The following LRRC8E variants were observed in gnomAD, a reference collection of about 807,000 sequenced individuals.
LRRC8E encodes the protein leucine rich repeat containing 8 VRAC subunit E, also known as volume-regulated anion channel subunit LRRC8E.
Under a neutral mutation model 6.1 loss-of-function variants are expected in LRRC8E, and 6 were observed. That is an observed-to-expected ratio of 0.98 (90% CI 0.54 to 1.93). The LOEUF is 1.93. LRRC8E is among the 30% of genes most tolerant of loss of function. The pLI, the probability that LRRC8E is intolerant of heterozygous loss-of-function variation, is 0.01. For missense variants in LRRC8E, 1,028 were observed against 1,031.4 expected (o/e 1.00, Z 0.04); for synonymous variants, 485 against 472.8 (o/e 1.03, Z -0.33).
chr19:7,897,197 T>G (rs1981643034), intron 2 of LRRC8E, among the ~76,000 whole-genome samples: 1 of 148,122 alleles, frequency 6.8e-6, no homozygotes, highest in Admixed American at 6.9e-5. Flanking sequence ...TTAGACAGAG[T>G]CTCCCTCTGT....
chr19:7,898,823 T>C lies in LRRC8E; in HGVS notation c.301T>C (p.Phe101Leu). 6 of 1,614,192 alleles carry C rather than the reference T, an allele frequency of 3.7e-6. No individual in the cohort carries two copies. The highest frequency in any genetic ancestry group is 5.1e-6 in the Non-Finnish European group (6 of 1,180,028). The change falls in exon 3 of 3, where the codon TTT becomes CTT. Residue 101 changes from phenylalanine to leucine, a missense_variant. Coordinates refer to ENST00000306708, the MANE Select transcript of LRRC8E (RefSeq NM_025061.6). Reference protein sequence around the residue: ...KNNLDLQQYSFINQLCYETAL... With the variant: ...KNNLDLQQYSLINQLCYETAL... ...CAATTTGGACCTGCAGCAATACAGC[T>C]TTATTAACCAGCTGTGTTATGAGAC...
rs201053347 is a variant in LRRC8E, at chr19:7,900,539, G to A, written c.2017G>A (p.Gly673Ser). 1,628 of 1,613,012 alleles carry A rather than the reference G, an allele frequency of 1.0e-3. 23 individuals are homozygous for A. The South Asian group carries it at 0.017, about 17-fold the overall frequency. The change falls in exon 3 of 3, where the codon GGC becomes AGC. Residue 673 changes from glycine to serine, a missense_variant. Physicochemically the swap from Gly to Ser is moderately conservative, Grantham distance 56. Transcript: ENST00000306708. The surrounding 1 kb of genome is among the most constrained non-coding windows in gnomAD (Gnocchi z 5.0). ...GCTGGAGACCCTGCCCTCCCAGCTC[G>A]GCCTGTGCTCAGGCCTCCGTCTGCT... Reference protein sequence around the residue: ...NKLETLPSQLGLCSGLRLLDV... With the variant: ...NKLETLPSQLSLCSGLRLLDV...
chr19:7,900,275 C>A lies in LRRC8E; in HGVS notation c.1753C>A (p.Arg585=), dbSNP rs201776706. 1 of 1,613,252 alleles carries A rather than the reference C, an allele frequency of 6.2e-7. No homozygotes were observed. The highest frequency in any genetic ancestry group is 1.3e-5 in the African/African-American group (1 of 74,906). Residue 585 remains arginine (R), a synonymous_variant, in exon 3 of 3, where the codon CGG becomes AGG. Coordinates refer to ENST00000306708, the MANE Select transcript of LRRC8E (RefSeq NM_025061.6). This position sits in a 1 kb window ranked among gnomAD's most constrained non-coding sequence, Gnocchi z 5.0. ...LNSLKKLAAL[R]ELELVACGLE... is the part of the protein sequence containing the mutation. Reference sequence around the variant, plus strand: ...CAGCCTCAAGAAGCTGGCGGCATTGCGGGAGCTGGAGCTGGTGGCCTGCGG... The same window carrying A: ...CAGCCTCAAGAAGCTGGCGGCATTGAGGGAGCTGGAGCTGGTGGCCTGCGG...
intron 1 of LRRC8E, among the ~76,000 whole-genome samples, chr19:7,890,824 A>C (rs1981267151): frequency 6.6e-6 from 1 of 151,976 alleles, no homozygotes; most frequent in South Asian, 2.1e-4. Context: ...CAGCTTCCCC[A>C]TTAGCTGGGA....
Position 7,898,876 on chromosome 19 carries a change from C to T in LRRC8E, c.354C>T (p.Phe118=). Residue 118 remains phenylalanine, a synonymous_variant, in exon 3 of 3, where the codon TTC becomes TTT. Transcript: ENST00000306708. Reference sequence around the variant, plus strand: ...CCCTGCACTGGTATGCCAAGTACTTCCCTTACCTCGTGGTCATTCACACAC... The same window carrying T: ...CCCTGCACTGGTATGCCAAGTACTTTCCTTACCTCGTGGTCATTCACACAC... The part of the protein sequence containing the change: ...ETALHWYAKY[F]PYLVVIHTLI... 1 of 1,614,226 alleles carries T rather than the reference C, an allele frequency of 6.2e-7. No homozygotes were observed. The highest frequency in any genetic ancestry group is 8.5e-7 in the Non-Finnish European group (1 of 1,180,046).
Position 7,895,651 on chromosome 19 carries a change from G to A in LRRC8E, c.48G>A (p.Ala16=), listed in dbSNP as rs780179268. The change falls in exon 2 of 3, where the codon GCG becomes GCA. Residue 16 remains alanine (A), a synonymous_variant. Transcript: ENST00000306708. This position sits in a 1 kb window ranked among gnomAD's most constrained non-coding sequence, Gnocchi z 4.7. ...AGCAGTTCACGGAACAGCAGCCTGC[G>A]TTCAAGGTGCTCAAACCCTGGTGGG... ...EFKQFTEQQP[A]FKVLKPWWDV... The A allele has an allele frequency of 3.1e-5, 50 of 1,614,012 alleles. 2 individuals carry two copies. The highest frequency in any genetic ancestry group is 3.0e-4 in the South Asian group (27 of 91,088).
chr19:7,890,297 G>A (rs1159654217), intron 1 of LRRC8E, among the ~76,000 whole-genome samples: 2 of 151,892 alleles, frequency 1.3e-5, no homozygotes, highest in Non-Finnish European at 2.9e-5. Flanking sequence ...GCTGGTGGGA[G>A]CCACATGGTC....
intron 1 of LRRC8E, among the ~76,000 whole-genome samples, chr19:7,892,074 A>AT (rs35978779): frequency 0.011 from 1,317 of 125,318 alleles, 14 homozygotes; most frequent in African/African-American, 0.028. Flanking sequence ...AAGATTTTAG[A>AT]TTTTTTTTTT....
In LRRC8E at chr19:7,888,554, C is replaced by G. The variant is rs958431490; in HGVS notation, c.-52C>G. 2 of 152,266 alleles carry G rather than the reference C, an allele frequency of 1.3e-5. No individual in the cohort carries two copies. The highest frequency in any genetic ancestry group is 2.9e-5 in the Non-Finnish European group (2 of 68,106). 9.4% of individuals were successfully genotyped at this position (152,266 alleles called of 1,614,324 possible). A position where few individuals can be genotyped will look rare whatever the true frequency, so the allele number is the denominator to read the frequency against. On this transcript the variant is annotated 5_prime_UTR_variant, in exon 1 of 3. Coordinates refer to ENST00000306708, the MANE Select transcript of LRRC8E (RefSeq NM_025061.6). ...GAACTCTGCGGGAGTCGCGGCAGCT[C>G]CGCTCCCAGAGACCCAGGAGTTGGG... is the stretch of plus-strand genomic sequence containing the variant.
chr19:7,896,821 C>T (rs566751402), intron 2 of LRRC8E, among the ~76,000 whole-genome samples: 11 of 151,984 alleles, frequency 7.2e-5, no homozygotes, highest in Admixed American at 1.3e-4. Context: ...TCTCGGACTC[C>T]GGGCCTCAAG....
intron 2 of LRRC8E, among the ~76,000 whole-genome samples, chr19:7,896,890 C>T (rs1981624752): frequency 1.3e-5 from 2 of 152,000 alleles, no homozygotes; most frequent in East Asian, 2.0e-4. Flanking sequence ...CCACTGTGTC[C>T]AGCCCCATAT....
At chr19:7,893,980 A>G (rs1406757183) in intron 1 of LRRC8E, 5 of 152,124 alleles carry the variant, frequency 3.3e-5, no homozygotes, top group Admixed American at 3.3e-4. Flanking sequence ...CTTGGCCTTT[A>G]GCTTGGTGGG....
intron 1 of LRRC8E, among the ~76,000 whole-genome samples, chr19:7,891,535 GTGTGTGTGTGTT>G (rs1033776488): frequency 7.0e-5 from 9 of 128,602 alleles, no homozygotes; most frequent in African/African-American, 1.7e-4. Context: ...GTGTGTGTGT[GTGTGTGTGTGTT>G]TGTGTGTGTG....
In LRRC8E at chr19:7,899,412, C is replaced by T; in HGVS notation, c.890C>T (p.Ala297Val). Reference protein sequence around the residue: ...RVETSEVTGYASFCCNHTKAH... With the variant: ...RVETSEVTGYVSFCCNHTKAH... ...GAGACGTCAGAGGTCACGGGCTACGCCAGCTTCTGCTGCAACCACACCAAG... is the reference window on the plus strand; with the variant it reads ...GAGACGTCAGAGGTCACGGGCTACGTCAGCTTCTGCTGCAACCACACCAAG... Residue 297 changes from alanine to valine, a missense_variant, in exon 3 of 3, where the codon GCC becomes GTC. Ala to Val is a moderately conservative substitution (Grantham distance 64). Transcript: ENST00000306708. 1 of 1,614,184 alleles carries T rather than the reference C, an allele frequency of 6.2e-7. No homozygotes were observed.
rs1981982650 is a variant in LRRC8E at position 7,901,018 on chromosome 19, ATGG to A, written c.*106_*108del. The A allele has an allele frequency of 3.6e-6, 1 of 276,182 alleles. No individual in the cohort carries two copies. The allele number at this position is 276,182 out of a possible 1,614,324, so 17.1% of individuals were successfully genotyped here. On this transcript the variant is annotated 3_prime_UTR_variant, in exon 3 of 3. Coordinates refer to ENST00000306708, the MANE Select transcript of LRRC8E (RefSeq NM_025061.6). ...AAGCCAAGTGGGTCCAGGCCAGGAG[ATGG>A]GGGGGGCGGGGGCAGCTGTGTCATC...
At chr19:7,892,158 T>C (rs1981349540) in intron 1 of LRRC8E, among the ~76,000 whole-genome samples, 1 of 151,982 alleles carries the variant, frequency 6.6e-6, no homozygotes, top group Admixed American at 6.6e-5. Flanking sequence ...CTGCAGGCTC[T>C]GCCTCCCAGG....
chr19:7,892,812 G>A (rs970971160), intron 1 of LRRC8E, among the ~76,000 whole-genome samples: 7 of 152,022 alleles, frequency 4.6e-5, no homozygotes, highest in South Asian at 4.1e-4. Context: ...ATTTGTAGTC[G>A]GGTTTCTTTT....
chr19:7,900,713 G>A lies in LRRC8E; in HGVS notation c.2191G>A (p.Asp731Asn), dbSNP rs182453705. ...CRKLRTLLLGDNQLSQLSPHV... is the reference protein window; with the variant it reads ...CRKLRTLLLGNNQLSQLSPHV... ...CAAGCTGCGGACGTTGCTTCTGGGCGACAACCAGCTGAGCCAGCTCTCGCC... is the reference window on the plus strand; with the variant it reads ...CAAGCTGCGGACGTTGCTTCTGGGCAACAACCAGCTGAGCCAGCTCTCGCC... Residue 731 changes from aspartate (D) to asparagine (N), a missense_variant, in exon 3 of 3, where the codon GAC (aspartate) becomes AAC (asparagine). Asp to Asn is a conservative substitution (Grantham distance 23). Transcript: ENST00000306708. The surrounding 1 kb of genome is among the most constrained non-coding windows in gnomAD (Gnocchi z 5.0). 115 of 1,613,290 alleles carry A rather than the reference G, an allele frequency of 7.1e-5. No individual in the cohort carries two copies. The East Asian group carries it at 9.6e-4, about 13-fold the overall frequency.
At position 7,895,730 on chromosome 19, in the gene LRRC8E, T is replaced by A. The variant is rs1451917112; in HGVS notation, c.127T>A (p.Cys43Ser). ...VAMLMIGVFG[C>S]TLQVTQDKII... Reference sequence around the variant, plus strand: ...CATGCTCATGATTGGGGTCTTTGGCTGCACCCTCCAGGTGAGGCCCTCCCC... The same window carrying A: ...CATGCTCATGATTGGGGTCTTTGGCAGCACCCTCCAGGTGAGGCCCTCCCC... The change falls in exon 2 of 3, where the codon TGC becomes AGC. Residue 43 changes from cysteine (C) to serine (S), a missense_variant. By Grantham distance (112) the Cys-to-Ser change is moderately radical. Transcript: ENST00000306708. This position sits in a 1 kb window ranked among gnomAD's most constrained non-coding sequence, Gnocchi z 4.7. The A allele has an allele frequency of 1.9e-6, 3 of 1,613,826 alleles. No individual in the cohort carries two copies. The highest frequency in any genetic ancestry group is 1.3e-5 in the African/African-American group (1 of 75,010).
Sources: allele counts gnomAD v4.1 joint callset (sites outside exome capture counted in the v4.1 genomes callset), GRCh38; gene constraint gnomAD v4.1.1; non-coding constraint Gnocchi (gnomAD v3.1); transcripts MANE v1.5; gene names NCBI Gene and HGNC (gene_info 2026-07-23, HGNC 2026-07-21).